The following PAPSS1 variants were observed in gnomAD, a reference collection of about 807,000 sequenced individuals.
PAPSS1 encodes the protein bifunctional 3'-phosphoadenosine 5'-phosphosulfate synthase 1.
PAPSS1 carries 50 observed loss-of-function variants against 72.0 expected under a neutral mutation model. That is an observed-to-expected ratio of 0.69 (90% confidence interval 0.55 to 0.88). The LOEUF (loss-of-function observed/expected upper bound fraction) is 0.88, where lower values mean the gene tolerates loss of function less well. Among genes scored for constraint, PAPSS1 ranks in the 40% least tolerant of loss-of-function variants. PAPSS1 has a pLI of 0.00. For synonymous variants in PAPSS1, 261 were observed against 263.6 expected, an observed-to-expected ratio of 0.99 and a Z score of 0.09; for missense variants, 657 against 782.2, an observed-to-expected ratio of 0.84 and a Z score of 1.91.
At chr4:107,647,559 T>C (rs1313529590) in intron 9 of PAPSS1, among the ~76,000 whole-genome samples, 1 of 152,246 alleles carries the variant, frequency 6.6e-6, no homozygotes, top group Non-Finnish European at 1.5e-5. Flanking sequence ...TATGCTTTTT[T>C]TTAAAGTAAA....
In PAPSS1 at chr4:107,613,943, A is replaced by G. The variant is rs1258427151; in HGVS notation, c.*306T>C. 1 of 198,312 alleles carries G rather than the reference A, an allele frequency of 5.0e-6. No homozygotes were observed. Among genetic ancestry groups the G allele is most frequent in the Non-Finnish European group, 1.0e-5 (1 of 99,480 alleles). 12.3% of individuals were successfully genotyped at this position (198,312 alleles called of 1,614,324 possible). On this transcript the variant is annotated 3_prime_UTR_variant, in exon 12 of 12. Transcript: ENST00000265174. ...ATTTAATGTGAATACTACTGGTTAC[A>G]ACTAATATAACAGCTTGAAAAAATC...
At chr4:107,698,297 A>T (rs1242713265) in intron 2 of PAPSS1, among the ~76,000 whole-genome samples, 1 of 152,256 alleles carries the variant, frequency 6.6e-6, no homozygotes, top group African/African-American at 2.4e-5. Flanking sequence ...CATGTCCAAC[A>T]TCATTATCAA....
At chr4:107,705,083 C>T (rs1051938083) in intron 1 of PAPSS1, among the ~76,000 whole-genome samples, 1 of 152,186 alleles carries the variant, frequency 6.6e-6, no homozygotes, top group Admixed American at 6.5e-5. Context: ...AGGATTTTCG[C>T]ATCTATGTTC....
intron 1 of PAPSS1, among the ~76,000 whole-genome samples, chr4:107,715,125 A>G (rs1314747221): frequency 6.6e-6 from 1 of 152,214 alleles, no homozygotes; most frequent in Non-Finnish European, 1.5e-5. Flanking sequence ...TGTGCTGTCC[A>G]ATTCCTGTGG....
intron 1 of PAPSS1, chr4:107,719,835 G>T (rs1426060486): frequency 1.5e-6 from 2 of 1,310,040 alleles, no homozygotes; most frequent in Admixed American, 4.2e-5. Context: ...TTTTCCTGGG[G>T]GTCTTACCTG....
chr4:107,688,721 A>G (rs1455355588), intron 3 of PAPSS1, among the ~76,000 whole-genome samples: 1 of 152,104 alleles, frequency 6.6e-6, no homozygotes, highest in Non-Finnish European at 1.5e-5. Context: ...GTTTCTCTCA[A>G]GTGCCTTCAC....
intron 8 of PAPSS1, 22 bp downstream of exon 8, chr4:107,654,673 T>G (rs754166873): frequency 6.3e-7 from 1 of 1,586,142 alleles, no homozygotes; most frequent in Non-Finnish European, 8.6e-7. Flanking sequence ...CAAGATAAAA[T>G]GCAGCGAGGT....
rs778235326 is a variant in PAPSS1, at chr4:107,645,075, A to G, written c.1238-5T>C. The stretch of plus-strand genomic sequence containing the variant: ...GTTGAAATGCAAAGACAGCATCTGA[A>G]AAGAGAATTTCCAGAGTTAAGAATA... On this transcript the variant is annotated splice_polypyrimidine_tract_variant and splice_region_variant and intron_variant, in intron 9 of 11. Coordinates refer to ENST00000265174, the MANE Select transcript of PAPSS1 (RefSeq NM_005443.5). The G allele has an allele frequency of 6.7e-7, 1 of 1,495,978 alleles. No homozygotes were observed. The highest frequency in any genetic ancestry group is 8.9e-7 in the Non-Finnish European group (1 of 1,121,014). 92.7% of individuals were successfully genotyped at this position (1,495,978 alleles called of 1,614,324 possible).
chr4:107,676,407 C>T (rs1437128920), intron 5 of PAPSS1, among the ~76,000 whole-genome samples: 7 of 152,096 alleles, frequency 4.6e-5, no homozygotes, highest in Admixed American at 1.3e-4. Context: ...AACAGAGAGC[C>T]AAATCATGAG....
chr4:107,686,644 TATC>T lies in PAPSS1; in HGVS notation c.550+392_550+394del, dbSNP rs1236644952. 2.0e-5 allele frequency among the ~76,000 whole-genome samples: 3 copies of T among 152,380 alleles called. No individual in the cohort carries two copies. In the East Asian group the frequency reaches 5.8e-4, roughly 29 times the overall value. On this transcript the variant is annotated intron_variant, in intron 4 of 11. Coordinates refer to ENST00000265174, the MANE Select transcript of PAPSS1 (RefSeq NM_005443.5). ...GTAATAAAGTACAAGGCATTATCCT[TATC>T]ATCAAGATGCTTATAATTCAGGCAT...
intron 5 of PAPSS1, among the ~76,000 whole-genome samples, chr4:107,664,450 G>C (rs1377448173): frequency 2.0e-5 from 3 of 152,104 alleles, no homozygotes; most frequent in Non-Finnish European, 4.4e-5. Flanking sequence ...AAAGACTGAA[G>C]ACCAGGAGCA....
At chr4:107,648,306 G>A (rs188261315) in intron 9 of PAPSS1, among the ~76,000 whole-genome samples, 89 of 152,326 alleles carry the variant, frequency 5.8e-4, no homozygotes, top group Middle Eastern at 3.4e-3. Flanking sequence ...GCCACAGGCC[G>A]CTTCATCTAG....
At chr4:107,686,300 T>C (rs573481310) in intron 4 of PAPSS1, among the ~76,000 whole-genome samples, 41 of 152,334 alleles carry the variant, frequency 2.7e-4, no homozygotes, top group Non-Finnish European at 5.6e-4. Flanking sequence ...TAAAATGGTG[T>C]ACTATTTGCA....
intron 11 of PAPSS1, among the ~76,000 whole-genome samples, chr4:107,629,663 GC>G (rs1323942834): frequency 6.6e-6 from 1 of 152,126 alleles, no homozygotes; most frequent in African/African-American, 2.4e-5. Context: ...GCACAACCAA[GC>G]AATGACTACT....
chr4:107,650,696 T>G (rs1329527939), intron 9 of PAPSS1, among the ~76,000 whole-genome samples: 1 of 152,200 alleles, frequency 6.6e-6, no homozygotes, highest in Non-Finnish European at 1.5e-5. Context: ...TTTGAATATA[T>G]GTTATCTCTT....
chr4:107,619,920 C>G (rs1424845416), intron 11 of PAPSS1, among the ~76,000 whole-genome samples: 1 of 152,152 alleles, frequency 6.6e-6, no homozygotes, highest in Non-Finnish European at 1.5e-5. Context: ...ATGTGAAACC[C>G]TTCATAACAT....
intron 3 of PAPSS1, among the ~76,000 whole-genome samples, chr4:107,690,030 C>G (rs910920505): frequency 6.6e-6 from 1 of 152,152 alleles, no homozygotes; most frequent in Non-Finnish European, 1.5e-5. Context: ...AGTCCCATTG[C>G]TGCTGCTTGA....
chr4:107,614,069 G>A lies in PAPSS1; in HGVS notation c.*180C>T, dbSNP rs1725757430. On this transcript the variant is annotated 3_prime_UTR_variant, in exon 12 of 12. Coordinates refer to ENST00000265174, the MANE Select transcript of PAPSS1 (RefSeq NM_005443.5). ...GAAAAGATACATTAAAACCATCAGT[G>A]TGTTACACTTGTTCAAAACAGAACT... The A allele has an allele frequency of 2.1e-6, 1 of 480,988 alleles. No homozygotes were observed. The allele number at this position is 480,988 out of a possible 1,614,324, so 29.8% of individuals were successfully genotyped here.
rs915735111 is a variant in PAPSS1, at chr4:107,614,421, A to T, written c.1737-34T>A. ...GAGGAAAAAAAGAAAATTATTTCATAATTTTAGAAACTTAGATTTTTAAAA... is the reference window on the plus strand; with the variant it reads ...GAGGAAAAAAAGAAAATTATTTCATTATTTTAGAAACTTAGATTTTTAAAA... On this transcript the variant is annotated intron_variant, in intron 11 of 11. Transcript: ENST00000265174. 3 of 1,550,542 alleles carry T rather than the reference A, an allele frequency of 1.9e-6. No individual in the cohort carries two copies. The African/African-American group carries it at 4.1e-5, about 21-fold the overall frequency.
Sources: gnomAD v4.1 joint callset for allele counts (sites outside exome capture counted in the v4.1 genomes callset) on GRCh38, gnomAD v4.1.1 for gene constraint, MANE v1.5 for transcripts, NCBI Gene and HGNC (gene_info 2026-07-23, HGNC 2026-07-21) for gene names.